VAV3: variants seen among roughly 807,000 people sequenced by gnomAD.
VAV3 encodes guanine nucleotide exchange factor VAV3.
Under a neutral mutation model 131.2 loss-of-function variants are expected in VAV3, and 94 were observed. That is an observed-to-expected ratio of 0.72 (90% CI 0.61 to 0.85). The LOEUF (loss-of-function observed/expected upper bound fraction) is 0.85. Among genes scored for constraint, VAV3 ranks in the 40% least tolerant of loss-of-function variants. The probability of loss-of-function intolerance (pLI) is 0.00; values close to 1 mark genes in which losing one functional copy is unlikely to be tolerated. For missense variants in VAV3, 939 were observed against 1,002.7 expected (o/e 0.94, Z 0.86); for synonymous variants, 349 against 342.0 (o/e 1.02, Z -0.22).
chr1:107,777,299 A>C lies in VAV3; in HGVS notation c.381-3T>G, dbSNP rs1557840345. ...TGCTTTCTTCTGTTGGGAAGGGCCT[A>C]GGAAGAGGAGAAAAAACAAAAACAA... On this transcript the variant is annotated splice_polypyrimidine_tract_variant and splice_region_variant and intron_variant, in intron 3 of 26. Coordinates refer to ENST00000370056, the MANE Select transcript of VAV3 (RefSeq NM_006113.5). 1 of 1,613,656 alleles carries C rather than the reference A, an allele frequency of 6.2e-7. No individual in the cohort carries two copies. Among genetic ancestry groups the C allele is most frequent in the East Asian group, 2.2e-5 (1 of 44,884 alleles).
intron 2 of VAV3, among the ~76,000 whole-genome samples, chr1:107,806,647 C>T (rs1230524424): frequency 1.3e-5 from 2 of 152,106 alleles, no homozygotes; most frequent in African/African-American, 4.8e-5. Context: ...GTGAACAATC[C>T]TAACCACCAG....
chr1:107,902,789 A>G lies in VAV3; in HGVS notation c.205-27772T>C, dbSNP rs891754774. 4.6e-5 allele frequency among the ~76,000 whole-genome samples: 7 copies of G among 152,344 alleles called. No individual in the cohort carries two copies. The South Asian group carries it at 1.0e-3, about 23-fold the overall frequency. ...ACAAATAAAATTAAAGAATTAAAAA[A>G]AAAGCTTACAGACTTATTTGTGCAG... On this transcript the variant is annotated intron_variant, in intron 1 of 26. Transcript: ENST00000370056.
intron 20 of VAV3, among the ~76,000 whole-genome samples, chr1:107,636,118 T>C (rs1447716191): frequency 6.6e-6 from 1 of 152,262 alleles, no homozygotes; most frequent in African/African-American, 2.4e-5. Context: ...GAGGCAATTC[T>C]GCCTGGTTAG....
chr1:107,648,309 T>G (rs758008620), intron 19 of VAV3, among the ~76,000 whole-genome samples: 1 of 152,176 alleles, frequency 6.6e-6, no homozygotes, highest in South Asian at 2.1e-4. Context: ...TAGTGAATCA[T>G]GAATCAAGGA....
intron 15 of VAV3, among the ~76,000 whole-genome samples, chr1:107,726,757 T>G (rs533946008): frequency 6.6e-4 from 100 of 152,226 alleles, no homozygotes; most frequent in Non-Finnish European, 1.3e-3. Flanking sequence ...ATTAAATAGA[T>G]TTTGATTATT....
At chr1:107,655,367 G>A (rs1227256559) in intron 19 of VAV3, among the ~76,000 whole-genome samples, 2 of 152,100 alleles carry the variant, frequency 1.3e-5, no homozygotes, top group Non-Finnish European at 2.9e-5. Flanking sequence ...AACATACAAT[G>A]AGGAAAGGGC....
intron 1 of VAV3, among the ~76,000 whole-genome samples, chr1:107,907,467 C>T (rs1284416367): frequency 1.3e-5 from 2 of 152,056 alleles, no homozygotes; most frequent in African/African-American, 2.4e-5. Context: ...AATGTGTCCC[C>T]CAAAGTTCAC....
intron 1 of VAV3, among the ~76,000 whole-genome samples, chr1:107,961,727 A>C (rs893388942): frequency 6.6e-5 from 10 of 152,250 alleles, no homozygotes; most frequent in African/African-American, 2.4e-4. Flanking sequence ...CAAGATCAAA[A>C]ACAAACTGAT....
At chr1:107,914,065 A>G (rs530580658) in intron 1 of VAV3, among the ~76,000 whole-genome samples, 141 of 152,224 alleles carry the variant, frequency 9.3e-4, no homozygotes, top group Middle Eastern at 3.4e-3. Context: ...AAAGTGCACA[A>G]ATTATTTTTA....
chr1:107,764,376 A>T (rs974247554), intron 9 of VAV3, among the ~76,000 whole-genome samples: 6 of 152,214 alleles, frequency 3.9e-5, no homozygotes, highest in Non-Finnish European at 8.8e-5. Flanking sequence ...GGGTAGATTC[A>T]GTCTTACAGA....
chr1:107,696,076 G>A (rs939142686), intron 17 of VAV3, among the ~76,000 whole-genome samples: 1 of 152,146 alleles, frequency 6.6e-6, no homozygotes, highest in African/African-American at 2.4e-5. Context: ...GTTTTGTCCT[G>A]CTTTGTAATC....
At chr1:107,642,142 C>T (rs955399910) in intron 20 of VAV3, among the ~76,000 whole-genome samples, 12 of 152,058 alleles carry the variant, frequency 7.9e-5, no homozygotes, top group Non-Finnish European at 1.3e-4. Flanking sequence ...GAAACCTACT[C>T]GACTGCATTC....
chr1:107,701,051 G>A (rs1660093898), intron 17 of VAV3, among the ~76,000 whole-genome samples: 1 of 126,632 alleles, frequency 7.9e-6, no homozygotes, highest in Admixed American at 7.9e-5. Context: ...CTAATGATCA[G>A]TCATGTTGAG....
intron 2 of VAV3, among the ~76,000 whole-genome samples, chr1:107,785,860 G>A (rs779295053): frequency 2.0e-5 from 3 of 152,132 alleles, no homozygotes; most frequent in Non-Finnish European, 4.4e-5. Context: ...GTAAATTTCA[G>A]ACTAACAACA....
At chr1:107,803,515 AT>A (rs1366960018) in intron 2 of VAV3, among the ~76,000 whole-genome samples, 1 of 152,026 alleles carries the variant, frequency 6.6e-6, no homozygotes, top group African/African-American at 2.4e-5. Flanking sequence ...CCCTTTGGTC[AT>A]TTAGGAGCAT....
intron 15 of VAV3, among the ~76,000 whole-genome samples, chr1:107,728,499 T>C (rs1661989763): frequency 6.6e-6 from 1 of 151,912 alleles, no homozygotes; most frequent in Non-Finnish European, 1.5e-5. Context: ...TGAGGGTGGG[T>C]GGGTGTTGCT....
intron 2 of VAV3, among the ~76,000 whole-genome samples, chr1:107,815,488 G>T (rs951792880): frequency 3.3e-5 from 5 of 152,170 alleles, no homozygotes; most frequent in Admixed American, 3.3e-4. Context: ...ACTGTTCCAG[G>T]CTGCCTGGTT....
At chr1:107,876,080 C>T (rs1217714793) in intron 1 of VAV3, among the ~76,000 whole-genome samples, 1 of 152,108 alleles carries the variant, frequency 6.6e-6, no homozygotes, top group African/African-American at 2.4e-5. Context: ...ACAAAGGAGT[C>T]TTAGTAAGAG....
At chr1:107,644,475 G>A (rs949709211) in intron 19 of VAV3, among the ~76,000 whole-genome samples, 8 of 151,982 alleles carry the variant, frequency 5.3e-5, no homozygotes, top group Admixed American at 2.0e-4. Flanking sequence ...AAATATAGGC[G>A]GAAGTCAAGA....
Sources: allele counts gnomAD v4.1 joint callset (sites outside exome capture counted in the v4.1 genomes callset), GRCh38; gene constraint gnomAD v4.1.1; transcripts MANE v1.5; gene names NCBI Gene and HGNC (gene_info 2026-07-23, HGNC 2026-07-21).